The following CAMTA1 variants were observed in gnomAD, a reference collection of about 807,000 sequenced individuals.
CAMTA1 encodes the protein calmodulin binding transcription activator 1, also known as calmodulin-binding transcription activator 1.
CAMTA1 carries 27 observed loss-of-function variants against 170.9 expected under a neutral mutation model. The observed-to-expected ratio is 0.16, with a 90% CI of 0.12 to 0.22. The LOEUF (loss-of-function observed/expected upper bound fraction) is 0.22. Among genes scored for constraint, CAMTA1 ranks in the 10% least tolerant of loss-of-function variants. The probability of loss-of-function intolerance (pLI) is 1.00; values close to 1 mark genes in which losing one functional copy is unlikely to be tolerated. For synonymous variants in CAMTA1, 833 were observed against 891.5 expected (o/e 0.93, Z 1.17); for missense variants, 1,619 against 2,217.2 (o/e 0.73, Z 5.42).
intron 4 of CAMTA1, among the ~76,000 whole-genome samples, chr1:7,109,717 A>G (rs1398910179): frequency 6.6e-6 from 1 of 152,222 alleles, no homozygotes; most frequent in African/African-American, 2.4e-5. Context: ...TCACAGTAAA[A>G]ACGGGCAGAT....
At chr1:7,091,251 A>C (rs896170631) in intron 3 of CAMTA1, 53 bp from the exon 4 acceptor site, 1 of 1,305,540 alleles carries the variant, frequency 7.7e-7, no homozygotes, top group Non-Finnish European at 1.1e-6. Context: ...CTTACCTCTC[A>C]GGATCCAATG....
intron 3 of CAMTA1, among the ~76,000 whole-genome samples, chr1:7,079,980 T>A (rs930900258): frequency 6.6e-6 from 1 of 152,224 alleles, no homozygotes; most frequent in Non-Finnish European, 1.5e-5. Flanking sequence ...TTGTTTTACA[T>A]CTTGAATATG....
intron 5 of CAMTA1, among the ~76,000 whole-genome samples, chr1:7,252,810 G>A (rs1480524729): frequency 3.9e-5 from 6 of 152,162 alleles, no homozygotes; most frequent in East Asian, 1.9e-4. Context: ...TGGATCTACC[G>A]TTTAATATAT....
intron 3 of CAMTA1, among the ~76,000 whole-genome samples, chr1:6,980,726 C>T (rs1398194122): frequency 6.6e-6 from 1 of 152,178 alleles, no homozygotes; most frequent in African/African-American, 2.4e-5. Flanking sequence ...ACACACACTC[C>T]TTTGCTTGCC....
At chr1:7,205,842 A>AT (rs573599856) in intron 4 of CAMTA1, among the ~76,000 whole-genome samples, 2 of 151,868 alleles carry the variant, frequency 1.3e-5, no homozygotes, top group South Asian at 2.1e-4. Flanking sequence ...GTATGGTTTC[A>AT]TTTTTTTTCT....
intron 6 of CAMTA1, among the ~76,000 whole-genome samples, chr1:7,636,303 T>G (rs1433350592): frequency 6.6e-6 from 1 of 152,142 alleles, no homozygotes; most frequent in African/African-American, 2.4e-5. Context: ...TTGGGGTATG[T>G]TGGAGGATGG....
At chr1:7,110,343 C>T (rs949902217) in intron 4 of CAMTA1, among the ~76,000 whole-genome samples, 3 of 152,026 alleles carry the variant, frequency 2.0e-5, no homozygotes, top group Admixed American at 6.5e-5. Context: ...TAATAGACAT[C>T]GATTTGCAAT....
intron 3 of CAMTA1, among the ~76,000 whole-genome samples, chr1:6,924,422 A>G (rs1682673427): frequency 6.6e-6 from 1 of 152,096 alleles, no homozygotes; most frequent in African/African-American, 2.4e-5. Context: ...TCCTGGAGTC[A>G]GTGGTGCCCA....
intron 5 of CAMTA1, among the ~76,000 whole-genome samples, chr1:7,400,837 G>A (rs1477139161): frequency 6.6e-6 from 1 of 152,194 alleles, no homozygotes; most frequent in African/African-American, 2.4e-5. Flanking sequence ...TGCTCCTGTG[G>A]AAGTGGGGCA....
At chr1:6,829,752 C>G (rs760632013) in intron 3 of CAMTA1, among the ~76,000 whole-genome samples, 1 of 152,172 alleles carries the variant, frequency 6.6e-6, no homozygotes, top group African/African-American at 2.4e-5. Flanking sequence ...CGCTGCAGCC[C>G]GACTTTGAGT....
intron 6 of CAMTA1, among the ~76,000 whole-genome samples, chr1:7,489,039 A>G (rs1221107929): frequency 6.6e-6 from 1 of 152,234 alleles, no homozygotes; most frequent in African/African-American, 2.4e-5. Flanking sequence ...AGAGGGACAC[A>G]GAGCCTCTGG....
chr1:7,248,025 G>A lies in CAMTA1; in HGVS notation c.303-1466G>A, dbSNP rs1376395822. Among the ~76,000 whole-genome samples, 3 of 152,152 alleles carry A rather than the reference G, an allele frequency of 2.0e-5. No homozygotes were observed. The highest frequency in any genetic ancestry group is 1.9e-4 in the East Asian group (1 of 5,190). ...CCTGATCGGGAAACAATGAAGTATC[G>A]GGAGTCGCTGTTGAAAGTCTGTAAT... On this transcript the variant is annotated intron_variant, in intron 4 of 22. Coordinates refer to ENST00000303635, the MANE Select transcript of CAMTA1 (RefSeq NM_015215.4). The surrounding 1 kb of genome is among the most constrained non-coding windows in gnomAD (Gnocchi z 4.0).
intron 4 of CAMTA1, among the ~76,000 whole-genome samples, chr1:7,184,628 A>G (rs920723925): frequency 6.6e-6 from 1 of 152,210 alleles, no homozygotes; most frequent in Non-Finnish European, 1.5e-5. Context: ...TTGATTACTG[A>G]TGGGGTTGTT....
At chr1:7,001,374 C>T (rs1318239891) in intron 3 of CAMTA1, among the ~76,000 whole-genome samples, 6 of 152,200 alleles carry the variant, frequency 3.9e-5, no homozygotes, top group Admixed American at 3.9e-4. Flanking sequence ...CTCCACCCTG[C>T]ACTTGAATAT....
rs1453474580 is a variant in CAMTA1 at position 7,732,565 on chromosome 1, G to A, written c.3032G>A (p.Gly1011Asp). 3 of 1,611,936 alleles carry A rather than the reference G, an allele frequency of 1.9e-6. No individual in the cohort carries two copies. The highest frequency in any genetic ancestry group is 1.7e-5 in the Admixed American group (1 of 59,770). ...QASGGGSSGGGSGSGNGGSQA... is the reference protein window; with the variant it reads ...QASGGGSSGGDSGSGNGGSQA... Reference sequence around the variant, plus strand: ...AGCGGAGGCGGCAGCAGTGGAGGCGGCAGCGGGAGCGGGAATGGAGGGAGC... The same window carrying A: ...AGCGGAGGCGGCAGCAGTGGAGGCGACAGCGGGAGCGGGAATGGAGGGAGC... Residue 1011 changes from glycine to aspartate, a missense_variant, in exon 12 of 23, where the codon GGC (glycine) becomes GAC (aspartate). Gly to Asp is a moderately conservative substitution (Grantham distance 94). Transcript: ENST00000303635. This position sits in a 1 kb window ranked among gnomAD's most constrained non-coding sequence, Gnocchi z 4.1.
chr1:6,967,190 G>A (rs751220003), intron 3 of CAMTA1, among the ~76,000 whole-genome samples: 1 of 151,964 alleles, frequency 6.6e-6, no homozygotes, highest in Non-Finnish European at 1.5e-5. Context: ...GCAGTGAGCC[G>A]AGACTGTGCC....
rs750980040 is a variant in CAMTA1 at position 7,113,945 on chromosome 1, C to T, written c.302+22574C>T. 2.6e-5 allele frequency among the ~76,000 whole-genome samples: 4 copies of T among 152,172 alleles called. No homozygotes were observed. The highest frequency in any genetic ancestry group is 5.9e-5 in the Non-Finnish European group (4 of 68,032). ...CCGTATTGGTCTTTCTTTACATCAT[C>T]GGCAAGCCACTGTTTCGGATTCTTC... On this transcript the variant is annotated intron_variant, in intron 4 of 22. Transcript: ENST00000303635. The surrounding 1 kb of genome is among the most constrained non-coding windows in gnomAD (Gnocchi z 4.5).
At chr1:6,836,602 T>TGC (rs1653231233) in intron 3 of CAMTA1, among the ~76,000 whole-genome samples, 2 of 152,156 alleles carry the variant, frequency 1.3e-5, no homozygotes, top group Admixed American at 1.3e-4. Flanking sequence ...TATGTGTGTG[T>TGC]GCATGTGCGC....
At chr1:7,597,594 A>G (rs1433850729) in intron 6 of CAMTA1, among the ~76,000 whole-genome samples, 1 of 152,134 alleles carries the variant, frequency 6.6e-6, no homozygotes, top group Admixed American at 6.5e-5. Flanking sequence ...AGAGAGAGAG[A>G]GGAGCATGAT....
Sources: gnomAD v4.1 joint callset for allele counts (sites outside exome capture counted in the v4.1 genomes callset) on GRCh38, gnomAD v4.1.1 for gene constraint, Gnocchi (gnomAD v3.1) non-coding constraint, MANE v1.5 for transcripts, NCBI Gene and HGNC (gene_info 2026-07-23, HGNC 2026-07-21) for gene names.